CNTNAP2: variants seen among roughly 807,000 people sequenced by gnomAD.
The protein encoded by CNTNAP2 is contactin associated protein 2.
CNTNAP2 carries 98 observed loss-of-function variants against 155.2 expected under a neutral mutation model. The observed-to-expected ratio is 0.63, with a 90% CI of 0.54 to 0.75. The LOEUF is 0.75. Among genes scored for constraint, CNTNAP2 ranks in the 30% least tolerant of loss-of-function variants. CNTNAP2 has a pLI of 0.00. For synonymous variants in CNTNAP2, 651 were observed against 631.2 expected (o/e 1.03, Z -0.47); for missense variants, 1,727 against 1,688.1 (o/e 1.02, Z -0.40).
chr7:147,518,988 G>A (rs960762198), intron 11 of CNTNAP2, among the ~76,000 whole-genome samples: 2 of 141,284 alleles, frequency 1.4e-5, no homozygotes, highest in Non-Finnish European at 3.0e-5. Flanking sequence ...CCGAGATAGC[G>A]CCACTGCACT....
At chr7:146,883,698 T>C (rs191414224) in intron 3 of CNTNAP2, among the ~76,000 whole-genome samples, 3 of 152,248 alleles carry the variant, frequency 2.0e-5, no homozygotes, top group African/African-American at 7.2e-5. Flanking sequence ...ATAAATGTAC[T>C]AAAGAGTTAA....
chr7:146,308,724 A>G, intron 1 of CNTNAP2, among the ~76,000 whole-genome samples: 1 of 152,140 alleles, frequency 6.6e-6, no homozygotes, highest in Non-Finnish European at 1.5e-5. Flanking sequence ...AACTATTGCA[A>G]GGACAGAAAA....
intron 9 of CNTNAP2, among the ~76,000 whole-genome samples, chr7:147,331,988 T>G (rs1795578998): frequency 6.6e-6 from 1 of 152,212 alleles, no homozygotes; most frequent in East Asian, 1.9e-4. Context: ...AAAAAAGCTG[T>G]TCTCAGCTGC....
intron 4 of CNTNAP2, among the ~76,000 whole-genome samples, chr7:147,099,603 G>A (rs1003731827): frequency 2.0e-5 from 3 of 152,080 alleles, no homozygotes; most frequent in Non-Finnish European, 2.9e-5. Context: ...TAACTAAACT[G>A]CTATCTTTAT....
intron 1 of CNTNAP2, among the ~76,000 whole-genome samples, chr7:146,771,391 A>T (rs1488382750): frequency 6.6e-6 from 1 of 152,196 alleles, no homozygotes; most frequent in Non-Finnish European, 1.5e-5. Context: ...AATTAAAGGC[A>T]ACACTTATCT....
chr7:148,117,690 G>A (rs1396091693), intron 15 of CNTNAP2, among the ~76,000 whole-genome samples: 1 of 151,710 alleles, frequency 6.6e-6, no homozygotes, highest in African/African-American at 2.4e-5. Context: ...TAACCCCAGG[G>A]GCTTCTCCCA....
At chr7:148,323,644 A>T (rs1179585662) in intron 21 of CNTNAP2, among the ~76,000 whole-genome samples, 2 of 152,120 alleles carry the variant, frequency 1.3e-5, no homozygotes, top group African/African-American at 4.8e-5. Flanking sequence ...TTGTATGTGA[A>T]TAGTTTTCAA....
intron 14 of CNTNAP2, among the ~76,000 whole-genome samples, chr7:147,919,459 C>CTTTTTT (rs796710849): frequency 2.0e-5 from 1 of 51,240 alleles, no homozygotes. Flanking sequence ...CTTTTTCTTT[C>CTTTTTT]TTTTTTTTTT....
At chr7:146,880,173 T>G (rs1340958039) in intron 3 of CNTNAP2, among the ~76,000 whole-genome samples, 1 of 152,058 alleles carries the variant, frequency 6.6e-6, no homozygotes, top group African/African-American at 2.4e-5. Flanking sequence ...AAAGTTTATG[T>G]CCTCCACAAA....
At chr7:147,004,655 C>A (rs752468035) in intron 3 of CNTNAP2, among the ~76,000 whole-genome samples, 17 of 151,882 alleles carry the variant, frequency 1.1e-4, no homozygotes, top group Non-Finnish European at 2.2e-4. Context: ...AGTTAATATT[C>A]CTGATAAGAT....
chr7:147,692,781 T>A (rs1474356630), intron 13 of CNTNAP2, among the ~76,000 whole-genome samples: 1 of 152,074 alleles, frequency 6.6e-6, no homozygotes, highest in Non-Finnish European at 1.5e-5. Context: ...TACCTTTTCC[T>A]CTAGTCTTTG....
chr7:147,203,356 C>T (rs1275093606), intron 8 of CNTNAP2, among the ~76,000 whole-genome samples: 1 of 152,046 alleles, frequency 6.6e-6, no homozygotes, highest in Non-Finnish European at 1.5e-5. Flanking sequence ...GCAATTCTCC[C>T]CAGTAGCTGG....
chr7:148,284,830 T>A (rs967059996), intron 21 of CNTNAP2, among the ~76,000 whole-genome samples: 3 of 152,176 alleles, frequency 2.0e-5, no homozygotes, highest in Non-Finnish European at 2.9e-5. Context: ...AAGTCACTCC[T>A]TGTTTGAATG....
At chr7:146,615,510 A>G (rs759138414) in intron 1 of CNTNAP2, among the ~76,000 whole-genome samples, 1 of 152,236 alleles carries the variant, frequency 6.6e-6, no homozygotes, top group Non-Finnish European at 1.5e-5. Flanking sequence ...TTAAATACAT[A>G]CAAAAATGTA....
chr7:146,868,003 G>A (rs187227209), intron 3 of CNTNAP2, among the ~76,000 whole-genome samples: 1 of 152,180 alleles, frequency 6.6e-6, no homozygotes, highest in Non-Finnish European at 1.5e-5. Context: ...TTCTTTTGCT[G>A]CAGAAACGCT....
Position 147,327,849 on chromosome 7 carries a change from AG to A in CNTNAP2, c.1498+27560del, listed in dbSNP as rs150754920. On this transcript the variant is annotated intron_variant, in intron 9 of 23. Transcript: ENST00000361727. ...TGGTCTTTTGGGGTAAGGATTTAAA[AG>A]CAGGAGTGAAAATGCAAATGTCATC... Among the ~76,000 whole-genome samples the A allele has an allele frequency of 3.1e-3, 468 of 152,302 alleles. 5 individuals carry two copies. Among genetic ancestry groups the A allele is most frequent in the African/African-American group, 0.01 (435 of 41,562 alleles).
At chr7:148,312,619 C>G (rs1168392219) in intron 21 of CNTNAP2, among the ~76,000 whole-genome samples, 1 of 152,064 alleles carries the variant, frequency 6.6e-6, no homozygotes, top group Non-Finnish European at 1.5e-5. Context: ...GGTGGATAGG[C>G]AAAACAATTT....
intron 15 of CNTNAP2, among the ~76,000 whole-genome samples, chr7:148,031,953 G>T (rs568670230): frequency 6.6e-6 from 1 of 152,068 alleles, no homozygotes; most frequent in Non-Finnish European, 1.5e-5. Context: ...AAGATCATTC[G>T]TCACTGCCAG....
At chr7:147,955,799 A>C (rs1210981193) in intron 14 of CNTNAP2, among the ~76,000 whole-genome samples, 1 of 152,208 alleles carries the variant, frequency 6.6e-6, no homozygotes, top group Non-Finnish European at 1.5e-5. Flanking sequence ...CGCCGTGCAC[A>C]TATCTTGAGA....
Sources: gnomAD v4.1 joint callset for allele counts (sites outside exome capture counted in the v4.1 genomes callset) on GRCh38, gnomAD v4.1.1 for gene constraint, MANE v1.5 for transcripts, NCBI Gene and HGNC (gene_info 2026-07-23, HGNC 2026-07-21) for gene names.